The following GDF5 variants were observed in gnomAD, a reference collection of about 807,000 sequenced individuals.
GDF5 encodes the protein growth/differentiation factor 5.
GDF5 carries 17 observed loss-of-function variants against 34.6 expected under a neutral mutation model. The ratio of observed to expected loss-of-function variants is 0.49; its 90% CI spans 0.34 to 0.74. The LOEUF (loss-of-function observed/expected upper bound fraction) is 0.74. GDF5 is among the 30% of genes least tolerant of loss of function. GDF5 has a pLI of 0.01. For missense variants in GDF5, 616 were observed against 661.2 expected (o/e 0.93, Z 0.75); for synonymous variants, 332 against 290.7 (o/e 1.14, Z -1.44).
rs1491480422 is a variant in GDF5 at position 35,448,469 on chromosome 20, T to TG, written c.-398+6170dup. Among the ~76,000 whole-genome samples the TG allele has an allele frequency of 6.3e-5, 9 of 143,234 alleles. No homozygotes were observed. The East Asian group carries it at 8.1e-4, about 13-fold the overall frequency. The allele number at this position is 143,234 out of a possible 152,430, so 94.0% of individuals were successfully genotyped here. ...CCGACTTTTTTTTTTTTTTTTTTTT[T>TG]GTCTCACTCTGTCACCCAGGCTGGA... On this transcript the variant is annotated intron_variant, in intron 1 of 3. Transcript: ENST00000374372.
chr20:35,447,426 T>C (rs1427179843), intron 1 of GDF5, among the ~76,000 whole-genome samples: 1 of 152,176 alleles, frequency 6.6e-6, no homozygotes, highest in African/African-American at 2.4e-5. Flanking sequence ...GAGTTGAGTG[T>C]CTCTGGGCCT....
Position 35,433,831 on chromosome 20 carries a change from C to T in GDF5, c.*78G>A. On this transcript the variant is annotated 3_prime_UTR_variant, in exon 2 of 2. Transcript: ENST00000374369. ...GTGTAGATGCTCCTGCCACAGCTTC[C>T]TGACCCCTCTGTGATTCCAGGAGTG... The T allele has an allele frequency of 8.2e-7, 1 of 1,226,680 alleles. No homozygotes were observed. The allele number at this position is 1,226,680 out of a possible 1,614,324, so 76.0% of individuals were successfully genotyped here.
intron 1 of GDF5, among the ~76,000 whole-genome samples, chr20:35,453,479 A>C (rs2146594526): frequency 6.6e-6 from 1 of 152,294 alleles, no homozygotes; most frequent in South Asian, 2.1e-4. Context: ...AGATTGTTTC[A>C]TTTGTATTTC....
At position 35,433,716 on chromosome 20, in the gene GDF5, C is replaced by A. The variant is rs114832948; in HGVS notation, c.*193G>T. 6.7e-3 allele frequency: 4,436 copies of A among 659,324 alleles called. 158 individuals are homozygous for A. In the African/African-American group the frequency reaches 0.068, roughly 10 times the overall value. 40.8% of individuals were successfully genotyped at this position (659,324 alleles called of 1,614,324 possible). On this transcript the variant is annotated 3_prime_UTR_variant, in exon 2 of 2. Coordinates refer to ENST00000374369, the MANE Select transcript of GDF5 (RefSeq NM_000557.5). ...TCAGCAGACGGGCAGCAATCCTCAG[C>A]CAGGGGAACTTGTGGATAAAAGGGG...
At chr20:35,438,508 T>C (rs1328622586), upstream of GDF5, among the ~76,000 whole-genome samples, 3 of 152,102 alleles carry the variant, frequency 2.0e-5, no homozygotes, top group Non-Finnish European at 2.9e-5. Context: ...TCTAAACTCA[T>C]TTAAGTGCGA....
upstream of GDF5, among the ~76,000 whole-genome samples, chr20:35,440,648 T>C (rs2062494813): frequency 6.6e-6 from 1 of 152,236 alleles, no homozygotes; most frequent in Non-Finnish European, 1.5e-5. Flanking sequence ...TTTACATTTT[T>C]TGGCAGCTGA....
At position 35,453,829 on chromosome 20, in the gene GDF5, C is replaced by T. The variant is rs147975349; in HGVS notation, c.-398+811G>A. ...TCACTCGAGCTATCCACTCATTCAC[C>T]CATTCACTCAGCACTTATTGAGCAC... On this transcript the variant is annotated intron_variant, in intron 1 of 3. Coordinates refer to the GDF5 transcript ENST00000374372. 12 of 496,092 alleles carry T rather than the reference C, an allele frequency of 2.4e-5. No individual in the cohort carries two copies. In the Middle Eastern group the frequency reaches 1.7e-3, roughly 70 times the overall value. The allele number at this position is 496,092 out of a possible 1,614,324, so 30.7% of individuals were successfully genotyped here.
Position 35,451,082 on chromosome 20 carries a change from T to A in GDF5, c.-398+3558A>T, listed in dbSNP as rs868415906. 7.4e-5 allele frequency among the ~76,000 whole-genome samples: 9 copies of A among 120,990 alleles called. 1 individual carries two copies. The highest frequency in any genetic ancestry group is 1.9e-4 in the African/African-American group (6 of 31,996). The allele number at this position is 120,990 out of a possible 152,430, so 79.4% of individuals were successfully genotyped here. A position where few individuals can be genotyped will look rare whatever the true frequency, so the allele number is the denominator to read the frequency against. On this transcript the variant is annotated intron_variant, in intron 1 of 3. Transcript: ENST00000374372. Reference sequence around the variant, plus strand: ...AAAAAAAAATATATATATATATATATATATATATATACACAAATATATATG... The same window carrying A: ...AAAAAAAAATATATATATATATATAAATATATATATACACAAATATATATG...
Position 35,434,286 on chromosome 20 carries a change from G to C in GDF5, c.1129C>G (p.Arg377Gly). 4 of 1,614,162 alleles carry C rather than the reference G, an allele frequency of 2.5e-6. No individual in the cohort carries two copies. Among genetic ancestry groups the C allele is most frequent in the Non-Finnish European group, 3.4e-6 (4 of 1,180,038 alleles). ...GCCAGTGGGGCCCGCCGTTTTCGCC[G>C]CTGGCTGAACAGGTACTCATACACG... ...KTVYEYLFSQRRKRRAPLATR... is the reference protein window; with the variant it reads ...KTVYEYLFSQGRKRRAPLATR... The change falls in exon 2 of 2, where the codon CGG (arginine) becomes GGG (glycine). Residue 377 changes from arginine (R) to glycine (G), a missense_variant. Transcript: ENST00000374369.
chr20:35,451,966 A>T (rs533792616), intron 1 of GDF5, among the ~76,000 whole-genome samples: 1 of 152,180 alleles, frequency 6.6e-6, no homozygotes, highest in Non-Finnish European at 1.5e-5. Context: ...GCACAGTAGG[A>T]GTTGAGCAGA....
chr20:35,441,581 A>G (rs987001518), upstream of GDF5, among the ~76,000 whole-genome samples: 24 of 151,288 alleles, frequency 1.6e-4, no homozygotes, highest in African/African-American at 2.4e-5. Flanking sequence ...CAGCCTCCCA[A>G]GTAGCTGGGA....
At position 35,437,717 on chromosome 20, in the gene GDF5, T is replaced by C. The variant is rs977851749; in HGVS notation, c.212A>G (p.Asn71Ser). Residue 71 changes from asparagine (N) to serine (S), a missense_variant, in exon 1 of 2, where the codon AAT becomes AGT. Asn to Ser is a conservative substitution (Grantham distance 46). Transcript: ENST00000374369. ...GCCTCCCTTTGCCCTGGCATTGGCATTGGTGGCCCCCCCACCATAGCTGTG... is the reference window on the plus strand; with the variant it reads ...GCCTCCCTTTGCCCTGGCATTGGCACTGGTGGCCCCCCCACCATAGCTGTG... ...GGHSYGGGAT[N>S]ANARAKGGTG... 1 of 1,613,700 alleles carries C rather than the reference T, an allele frequency of 6.2e-7. No homozygotes were observed. The highest frequency in any genetic ancestry group is 8.5e-7 in the Non-Finnish European group (1 of 1,179,872).
At position 35,444,223 on chromosome 20, in the gene GDF5, C is replaced by G. The variant is rs144324159; in HGVS notation, c.-397-2836G>C. ...GCGTTTGTTTGTCTCTTCTCACATT[C>G]TGGTGGAAGAGACAGAGGAACAAAC... On this transcript the variant is annotated intron_variant, in intron 1 of 3. Coordinates refer to the GDF5 transcript ENST00000374372. 9.9e-4 allele frequency among the ~76,000 whole-genome samples: 151 copies of G among 152,280 alleles called. 1 individual carries two copies. Among genetic ancestry groups the G allele is most frequent in the African/African-American group, 3.5e-3 (144 of 41,554 alleles).
At chr20:35,442,219 T>C (rs555610346), upstream of GDF5, among the ~76,000 whole-genome samples, 2 of 152,296 alleles carry the variant, frequency 1.3e-5, no homozygotes, top group Admixed American at 1.3e-4. Context: ...CAATCTCAGC[T>C]CACTGCAACC....
chr20:35,451,928 C>G (rs1281180559), intron 1 of GDF5, among the ~76,000 whole-genome samples: 1 of 152,190 alleles, frequency 6.6e-6, no homozygotes, highest in Non-Finnish European at 1.5e-5. Flanking sequence ...GGACTACTAT[C>G]AGTCTGTGAC....
chr20:35,451,865 A>T (rs1395216870), intron 1 of GDF5, among the ~76,000 whole-genome samples: 1 of 151,660 alleles, frequency 6.6e-6, no homozygotes, highest in Non-Finnish European at 1.5e-5. Flanking sequence ...GATGTGGTGT[A>T]CTCTTATGCC....
In GDF5 at chr20:35,434,056, C is replaced by T. The variant is rs1224691513; in HGVS notation, c.1359G>A (p.Met453Ile). Residue 453 changes from methionine (M) to isoleucine (I), a missense_variant, in exon 2 of 2, where the codon ATG (methionine) becomes ATA (isoleucine). Coordinates refer to ENST00000374369, the MANE Select transcript of GDF5 (RefSeq NM_000557.5). Reference sequence around the variant, plus strand: ...GTGTGGACTCGGGGTCCATGGAGTTCATCAGGGTCTGGATGACTGCATGAT... The same window carrying T: ...GTGTGGACTCGGGGTCCATGGAGTTTATCAGGGTCTGGATGACTGCATGAT... Reference protein sequence around the residue: ...PTNHAVIQTLMNSMDPESTPP... With the variant: ...PTNHAVIQTLINSMDPESTPP... The T allele has an allele frequency of 2.5e-6, 4 of 1,614,014 alleles. No individual in the cohort carries two copies. The African/African-American group carries it at 4.0e-5, about 16-fold the overall frequency.
At chr20:35,447,956 T>TA (rs5841210) in intron 1 of GDF5, among the ~76,000 whole-genome samples, 92,524 of 150,908 alleles carry the variant, frequency 0.61, 31,249 homozygotes, top group Non-Finnish European at 0.76. Flanking sequence ...CTCTATAAAA[T>TA]AAAAAAAAAA....
chr20:35,434,297 AG>A lies in GDF5; in HGVS notation c.1117del (p.Leu373CysfsTer80), dbSNP rs1487045748. On this transcript the variant is annotated frameshift_variant, in exon 2 of 2. Transcript: ENST00000374369. LOFTEE classifies it high-confidence loss of function. ...CCGCCGTTTTCGCCGCTGGCTGAAC[AG>A]GTACTCATACACGGTCTTATCGTCC... The part of the protein sequence containing the change: ...GQDDKTVYEY[L>X]FSQRRKRRAP... 1 of 1,613,988 alleles carries A rather than the reference AG, an allele frequency of 6.2e-7. No homozygotes were observed. The highest frequency in any genetic ancestry group is 1.3e-5 in the African/African-American group (1 of 74,918).
Sources: gnomAD v4.1 joint callset for allele counts (sites outside exome capture counted in the v4.1 genomes callset) on GRCh38, gnomAD v4.1.1 for gene constraint, MANE v1.5 for transcripts, NCBI Gene and HGNC (gene_info 2026-07-23, HGNC 2026-07-21) for gene names.